CHRM3: variants seen among roughly 807,000 people sequenced by gnomAD.
The protein encoded by CHRM3 is cholinergic receptor muscarinic 3.
CHRM3 carries 11 observed loss-of-function variants against 41.8 expected under a neutral mutation model. The ratio of observed to expected loss-of-function variants is 0.26; its 90% CI spans 0.17 to 0.44. The LOEUF is 0.44. CHRM3 is among the 20% of genes least tolerant of loss of function. CHRM3 has a pLI of 1.00. For synonymous variants in CHRM3, 297 were observed against 301.4 expected (o/e 0.99, Z 0.15); for missense variants, 571 against 745.4 (o/e 0.77, Z 2.72).
chr1:239,437,955 G>T (rs372042646), intron 1 of CHRM3, among the ~76,000 whole-genome samples: 16 of 152,252 alleles, frequency 1.1e-4, no homozygotes, highest in African/African-American at 3.8e-4. Context: ...TTGCTCAGTG[G>T]GTGAGTATGA....
rs1680379177 is a variant in CHRM3 at position 239,911,787 on chromosome 1, A to G, written c.*2563A>G. 1 of 166,950 alleles carries G rather than the reference A, an allele frequency of 6.0e-6. No homozygotes were observed. Among genetic ancestry groups the G allele is most frequent in the South Asian group, 2.1e-4 (1 of 4,834 alleles). 10.3% of individuals were successfully genotyped at this position (166,950 alleles called of 1,614,324 possible). A position where few individuals can be genotyped will look rare whatever the true frequency, so the allele number is the denominator to read the frequency against. On this transcript the variant is annotated 3_prime_UTR_variant, in exon 7 of 7. Transcript: ENST00000676153. ...TTATGGATGAAAGCTGCATTTAAATACTATCTACTGATTTTATAGAAAGGT... is the reference window on the plus strand; with the variant it reads ...TTATGGATGAAAGCTGCATTTAAATGCTATCTACTGATTTTATAGAAAGGT...
At position 239,732,768 on chromosome 1, in the gene CHRM3, C is replaced by T. The variant is rs12029883; in HGVS notation, c.-147+54480C>T. On this transcript the variant is annotated intron_variant, in intron 5 of 6. Coordinates refer to ENST00000676153, the MANE Select transcript of CHRM3 (RefSeq NM_001375978.1). ...TTAGATAAGTATACCTAATATCTCACTTAGATAAGTATACCTAATATCTCA... is the reference window on the plus strand; with the variant it reads ...TTAGATAAGTATACCTAATATCTCATTTAGATAAGTATACCTAATATCTCA... Among the ~76,000 whole-genome samples the T allele has an allele frequency of 1.9e-3, 99 of 50,966 alleles. 1 individual carries two copies. The highest frequency in any genetic ancestry group is 6.0e-3 in the African/African-American group (93 of 15,524). The allele number at this position is 50,966 out of a possible 152,430, so 33.4% of individuals were successfully genotyped here. A position where few individuals can be genotyped will look rare whatever the true frequency, so the allele number is the denominator to read the frequency against.
chr1:239,822,540 CA>C (rs1190943528), intron 5 of CHRM3, among the ~76,000 whole-genome samples: 5 of 151,776 alleles, frequency 3.3e-5, no homozygotes, highest in Non-Finnish European at 7.4e-5. Flanking sequence ...AATACTACTT[CA>C]AATAACTTTT....
chr1:239,779,583 A>C (rs1362400676), intron 5 of CHRM3, among the ~76,000 whole-genome samples: 1 of 152,192 alleles, frequency 6.6e-6, no homozygotes, highest in African/African-American at 2.4e-5. Flanking sequence ...AAAATACAAA[A>C]AATTAGCCAG....
At chr1:239,591,574 A>AT (rs1324896825) in intron 3 of CHRM3, among the ~76,000 whole-genome samples, 1 of 152,006 alleles carries the variant, frequency 6.6e-6, no homozygotes, top group African/African-American at 2.4e-5. Flanking sequence ...CTATAGCAAA[A>AT]TTCACCATGC....
chr1:239,537,989 T>C (rs1658373146), intron 2 of CHRM3, among the ~76,000 whole-genome samples: 1 of 152,158 alleles, frequency 6.6e-6, no homozygotes, highest in Non-Finnish European at 1.5e-5. Flanking sequence ...AAATGAGTCA[T>C]AAGCGCTTGG....
chr1:239,396,036 C>T (rs780403584), intron 1 of CHRM3, among the ~76,000 whole-genome samples: 14 of 152,310 alleles, frequency 9.2e-5, no homozygotes, highest in Admixed American at 5.2e-4. Context: ...CAGGTATCCT[C>T]ATCCTCTGCC....
At chr1:239,485,825 T>C (rs1488374910) in intron 1 of CHRM3, among the ~76,000 whole-genome samples, 1 of 152,208 alleles carries the variant, frequency 6.6e-6, no homozygotes, top group Non-Finnish European at 1.5e-5. Flanking sequence ...AGAAGATTGC[T>C]CTTCCACCTA....
chr1:239,602,110 G>GTGTGTATATATATATA (rs1307023039), intron 3 of CHRM3, among the ~76,000 whole-genome samples: 12 of 112,844 alleles, frequency 1.1e-4, no homozygotes, highest in African/African-American at 3.8e-4. Flanking sequence ...GTGTGTGTGT[G>GTGTGTATATATATATA]TATATATATA....
intron 1 of CHRM3, among the ~76,000 whole-genome samples, chr1:239,479,459 T>C (rs1307496099): frequency 1.3e-5 from 2 of 152,136 alleles, no homozygotes; most frequent in Non-Finnish European, 2.9e-5. Context: ...CCAAAAGACA[T>C]TGGAACCACA....
intron 1 of CHRM3, among the ~76,000 whole-genome samples, chr1:239,397,528 C>T (rs1350255196): frequency 6.6e-6 from 1 of 151,550 alleles, no homozygotes; most frequent in Non-Finnish European, 1.5e-5. Context: ...AAAAATTAGC[C>T]GGGCGTGCTG....
intron 5 of CHRM3, among the ~76,000 whole-genome samples, chr1:239,809,563 T>A (rs1670948188): frequency 6.6e-6 from 1 of 152,018 alleles, no homozygotes; most frequent in East Asian, 1.9e-4. Context: ...AGTGACATGA[T>A]CACAGCTCAC....
chr1:239,770,604 A>T (rs579624), intron 5 of CHRM3, among the ~76,000 whole-genome samples: 21 of 151,936 alleles, frequency 1.4e-4, no homozygotes, highest in African/African-American at 4.8e-4. Flanking sequence ...GAAAGGACTG[A>T]GCGGAAGATG....
intron 1 of CHRM3, among the ~76,000 whole-genome samples, chr1:239,464,109 T>G (rs1024425756): frequency 9.2e-5 from 14 of 151,978 alleles, no homozygotes; most frequent in Non-Finnish European, 1.6e-4. Context: ...AAATCCCATC[T>G]CTACAAAAAA....
intron 4 of CHRM3, among the ~76,000 whole-genome samples, chr1:239,661,848 T>C (rs1053546790): frequency 1.3e-5 from 2 of 152,170 alleles, no homozygotes; most frequent in Non-Finnish European, 2.9e-5. Context: ...GTTCACTTGT[T>C]ATAACAAATA....
chr1:239,645,571 TA>T lies in CHRM3; in HGVS notation c.-250+13289del, dbSNP rs1671673297. Among the ~76,000 whole-genome samples the T allele has an allele frequency of 1.3e-5, 2 of 151,950 alleles. 1 individual carries two copies. The highest frequency in any genetic ancestry group is 4.1e-4 in the South Asian group (2 of 4,828). On this transcript the variant is annotated intron_variant, in intron 4 of 6. Coordinates refer to ENST00000676153, the MANE Select transcript of CHRM3 (RefSeq NM_001375978.1). ...CAAAATAATAGATGTTACTTTTAAA[TA>T]AAAGAAACATTTGAGAAACAAATAC...
At chr1:239,613,875 C>T (rs1667335892) in intron 3 of CHRM3, among the ~76,000 whole-genome samples, 1 of 152,186 alleles carries the variant, frequency 6.6e-6, no homozygotes, top group Admixed American at 6.5e-5. Context: ...GAAGGATGGG[C>T]TGGGCACAGT....
intron 1 of CHRM3, among the ~76,000 whole-genome samples, chr1:239,405,595 C>A (rs1191000611): frequency 6.6e-6 from 1 of 151,964 alleles, no homozygotes; most frequent in Admixed American, 6.5e-5. Context: ...GCTTCAATTA[C>A]ATTTTTCTTT....
intron 6 of CHRM3, among the ~76,000 whole-genome samples, chr1:239,845,204 A>C (rs573057168): frequency 6.6e-6 from 1 of 152,322 alleles, no homozygotes; most frequent in East Asian, 1.9e-4. Flanking sequence ...AAACTGAGGA[A>C]ATGCTTCCTT....
Sources: gnomAD v4.1 joint callset for allele counts (sites outside exome capture counted in the v4.1 genomes callset) on GRCh38, gnomAD v4.1.1 for gene constraint, MANE v1.5 for transcripts, NCBI Gene and HGNC (gene_info 2026-07-23, HGNC 2026-07-21) for gene names.